The following ARHGEF11 variants were observed in gnomAD, a reference collection of about 807,000 sequenced individuals.
ARHGEF11 encodes the protein Rho guanine exchange factor (GEF) 11.
ARHGEF11 carries 55 observed loss-of-function variants against 193.7 expected under a neutral mutation model. The observed-to-expected ratio is 0.28, with a 90% CI of 0.23 to 0.36. ARHGEF11 has a LOEUF of 0.36. Ranked by LOEUF, ARHGEF11 falls within the 10% of genes least tolerant of loss-of-function variation. The pLI, the probability that ARHGEF11 is intolerant of heterozygous loss-of-function variation, is 1.00. For missense variants in ARHGEF11, 1,723 were observed against 2,005.6 expected, an observed-to-expected ratio of 0.86 and a Z score of 2.69; for synonymous variants, 693 against 768.0, an observed-to-expected ratio of 0.90 and a Z score of 1.62.
chr1:156,976,261 GTACCAC>G (rs1663240323), intron 7 of ARHGEF11, among the ~76,000 whole-genome samples: 1 of 152,002 alleles, frequency 6.6e-6, no homozygotes, highest in South Asian at 2.1e-4. Flanking sequence ...GCCTACTAAA[GTACCAC>G]TCTTCAAGGC....
rs778937887 is a variant in ARHGEF11 at position 156,963,612 on chromosome 1, A to G, written c.964-18T>C. On this transcript the variant is annotated intron_variant, in intron 11 of 40. Transcript: ENST00000368194. ...TCTACACCCTGGGGGAGAGAGTCAA[A>G]TTGCAGAGATGAGAGGTTATAGAGG... The G allele has an allele frequency of 2.5e-6, 4 of 1,612,368 alleles. No individual in the cohort carries two copies. Among genetic ancestry groups the G allele is most frequent in the East Asian group, 2.2e-5 (1 of 44,894 alleles).
At chr1:156,996,772 C>CAAAAAAAA (rs66730438) in intron 1 of ARHGEF11, among the ~76,000 whole-genome samples, 8 of 38,628 alleles carry the variant, frequency 2.1e-4, no homozygotes, top group East Asian at 3.0e-3. Context: ...GACTCTGTCT[C>CAAAAAAAA]AAAAAAAAAA....
At chr1:156,938,271 T>G in intron 38 of ARHGEF11, 147 bp downstream of exon 38, 1 of 688,742 alleles carries the variant, frequency 1.5e-6, no homozygotes, top group Non-Finnish European at 2.4e-6. Flanking sequence ...TCCCCGTCTT[T>G]AGAGCCAGAT....
At chr1:156,986,309 T>C (rs1349705379) in intron 1 of ARHGEF11, 136 bp from the exon 2 acceptor site, 2 of 624,734 alleles carry the variant, frequency 3.2e-6, no homozygotes, top group East Asian at 5.8e-5. Context: ...TAACCCAATC[T>C]GGTAGGACAT....
At chr1:156,981,625 TGC>T (rs1664189609) in intron 3 of ARHGEF11, among the ~76,000 whole-genome samples, 1 of 152,108 alleles carries the variant, frequency 6.6e-6, no homozygotes, top group Non-Finnish European at 1.5e-5. Context: ...TACAGGCATG[TGC>T]CAACACATGC....
intron 1 of ARHGEF11, among the ~76,000 whole-genome samples, chr1:157,029,420 T>C (rs1671038705): frequency 6.6e-6 from 1 of 152,112 alleles, no homozygotes; most frequent in Admixed American, 6.6e-5. Context: ...TACAGGCACC[T>C]ACCACCATGC....
intron 1 of ARHGEF11, among the ~76,000 whole-genome samples, chr1:156,987,782 G>A (rs1366408784): frequency 6.6e-6 from 1 of 152,172 alleles, no homozygotes; most frequent in Non-Finnish European, 1.5e-5. Context: ...GAAGAAGAGA[G>A]CGTGGGCCCA....
At chr1:157,007,913 G>GTTT (rs10580966) in intron 1 of ARHGEF11, among the ~76,000 whole-genome samples, 1 of 118,846 alleles carries the variant, frequency 8.4e-6, no homozygotes, top group Non-Finnish European at 1.8e-5. Context: ...TTTTTTTTTT[G>GTTT]TTTTTTTTTT....
At chr1:156,947,601 C>CAA (rs1428616404) in intron 25 of ARHGEF11, 151 bp from the exon 26 acceptor site, 2 of 1,345,522 alleles carry the variant, frequency 1.5e-6, no homozygotes, top group Non-Finnish European at 2.0e-6. Flanking sequence ...TCTCTTACTC[C>CAA]AAGGGCCAGA....
chr1:157,044,157 C>A (rs115198505), intron 1 of ARHGEF11, 142 bp downstream of exon 1: 21,362 of 763,436 alleles, frequency 0.028, 406 homozygotes, highest in South Asian at 0.053. Flanking sequence ...GGCTGACAGT[C>A]CCCAGAGACT....
At chr1:156,986,854 A>G (rs1442255707) in intron 1 of ARHGEF11, among the ~76,000 whole-genome samples, 3 of 152,252 alleles carry the variant, frequency 2.0e-5, no homozygotes, top group African/African-American at 7.2e-5. Flanking sequence ...GAACGGCCCA[A>G]GCCTTTGAAA....
intron 1 of ARHGEF11, among the ~76,000 whole-genome samples, chr1:157,009,109 A>G (rs916104286): frequency 9.9e-5 from 15 of 152,182 alleles, no homozygotes; most frequent in Non-Finnish European, 1.8e-4. Flanking sequence ...AATAAATCCT[A>G]GGGGGCAGTT....
intron 1 of ARHGEF11, among the ~76,000 whole-genome samples, chr1:157,036,049 A>C (rs1052204195): frequency 6.9e-6 from 1 of 143,906 alleles, no homozygotes; most frequent in South Asian, 2.1e-4. Flanking sequence ...ATATGAATCT[A>C]TATAGGAATA....
intron 1 of ARHGEF11, among the ~76,000 whole-genome samples, chr1:157,000,676 T>A (rs1199448229): frequency 6.6e-6 from 1 of 152,224 alleles, no homozygotes; most frequent in Non-Finnish European, 1.5e-5. Context: ...TTAAAACCAC[T>A]GAGGTTAAAC....
chr1:157,033,484 T>C (rs566839940), intron 1 of ARHGEF11, among the ~76,000 whole-genome samples: 5 of 152,164 alleles, frequency 3.3e-5, no homozygotes, highest in Non-Finnish European at 7.3e-5. Flanking sequence ...CTCCACCCTT[T>C]CACTTGTTTA....
In ARHGEF11 at chr1:156,947,315, A is replaced by G; in HGVS notation, c.2477T>C (p.Ile826Thr). 6.2e-7 allele frequency: 1 copy of G among 1,607,208 alleles called. No individual in the cohort carries two copies. Among genetic ancestry groups the G allele is most frequent in the Non-Finnish European group, 8.5e-7 (1 of 1,177,680 alleles). The change falls in exon 26 of 41, where the codon ATA becomes ACA. Residue 826 changes from isoleucine (I) to threonine (T), a missense_variant. Ile to Thr is a moderately conservative substitution (Grantham distance 89, BLOSUM62 -1). Coordinates refer to ENST00000368194, the MANE Select transcript of ARHGEF11 (RefSeq NM_198236.3). The part of the protein sequence containing the change: ...ARLFPNLPEL[I>T]EIHNSWCEAM... The stretch of plus-strand genomic sequence containing the variant: ...CACAGGCTCCTTACTGTGAATCTCT[A>G]TGAGTTCAGGCAGGTTCGGGAAGAG...
chr1:157,002,418 T>C (rs1667323555), intron 1 of ARHGEF11, among the ~76,000 whole-genome samples: 1 of 152,148 alleles, frequency 6.6e-6, no homozygotes, highest in South Asian at 2.1e-4. Context: ...TCCCAAACTC[T>C]AGTGCTCCAA....
At chr1:156,936,308 C>G (rs1416091773) in intron 40 of ARHGEF11, 16 of 666,374 alleles carry the variant, frequency 2.4e-5, no homozygotes, top group Non-Finnish European at 4.3e-5. Flanking sequence ...TGTCCCTGGC[C>G]CACCCAGTGT....
chr1:156,986,101 C>T lies in ARHGEF11; in HGVS notation c.105G>A (p.Ser35=), dbSNP rs780899065. The stretch of plus-strand genomic sequence containing the variant: ...GGTTACCTGTTGTCTCAGAGGCATC[C>T]GAAGGCTGGCGATGGTGGGAAGGGG... ...RKSPSHHRQP[S]DASETTGLVQ... is the part of the protein sequence containing the mutation. Residue 35 remains serine, a synonymous_variant, in exon 2 of 41, where the codon TCG becomes TCA. Coordinates refer to ENST00000368194, the MANE Select transcript of ARHGEF11 (RefSeq NM_198236.3). The T allele has an allele frequency of 3.7e-6, 6 of 1,613,780 alleles. No homozygotes were observed. The highest frequency in any genetic ancestry group is 2.7e-5 in the African/African-American group (2 of 74,894).
Sources: allele counts gnomAD v4.1 joint callset (sites outside exome capture counted in the v4.1 genomes callset), GRCh38; gene constraint gnomAD v4.1.1; transcripts MANE v1.5; gene names NCBI Gene and HGNC (gene_info 2026-07-23, HGNC 2026-07-21).